The following NAV1 variants were observed in gnomAD, a reference collection of about 807,000 sequenced individuals.
NAV1 encodes neuron navigator 1, also known as pore membrane and/or filament interacting like protein 3.
In NAV1, 18 loss-of-function variants were observed where a neutral mutation model predicts 175.2. The ratio of observed to expected loss-of-function variants is 0.10; its 90% confidence interval spans 0.07 to 0.15. NAV1 has a LOEUF of 0.15. NAV1 is among the 10% of genes least tolerant of loss of function. NAV1 has a pLI of 1.00. For synonymous variants in NAV1, 897 were observed against 978.7 expected (o/e 0.92, Z 1.56); for missense variants, 1,731 against 2,436.6 (o/e 0.71, Z 6.10).
chr1:201,816,960 C>T, intron 28 of NAV1, 128 bp from the exon 33 acceptor site: 1 of 760,256 alleles, frequency 1.3e-6, no homozygotes. Flanking sequence ...AGGCATGAGC[C>T]ACTGCGCCTG....
intron 1 of NAV1, among the ~76,000 whole-genome samples, chr1:201,652,795 G>T (rs1428061870): frequency 6.6e-6 from 1 of 152,200 alleles, no homozygotes; most frequent in African/African-American, 2.4e-5. Flanking sequence ...CAGCGCAATA[G>T]AATACAGATG....
chr1:201,556,424 GA>G (rs71564152), intron 1 of NAV1, among the ~76,000 whole-genome samples: 27,620 of 134,226 alleles, frequency 0.21, 2,993 homozygotes, highest in Non-Finnish European at 0.27. Context: ...TCTCAAAAAA[GA>G]AAAAAAAAAA....
chr1:201,768,152 C>T (rs1464124574), intron 3 of NAV1, among the ~76,000 whole-genome samples: 1 of 151,830 alleles, frequency 6.6e-6, no homozygotes, highest in African/African-American at 2.4e-5. Context: ...TGGTGAAACC[C>T]CATCTCTACT....
chr1:201,594,333 C>T (rs1667292109), intron 2 of NAV1, among the ~76,000 whole-genome samples: 1 of 152,086 alleles, frequency 6.6e-6, no homozygotes. Context: ...CAGCATGACC[C>T]AGGAGAAAGG....
intron 3 of NAV1, among the ~76,000 whole-genome samples, chr1:201,756,530 A>C (rs1176713693): frequency 6.6e-6 from 1 of 152,208 alleles, no homozygotes; most frequent in Admixed American, 6.5e-5. Context: ...GGCCAAATAG[A>C]CTGATGGTGT....
chr1:201,678,113 G>A (rs1036164857), intron 1 of NAV1, among the ~76,000 whole-genome samples: 2 of 152,168 alleles, frequency 1.3e-5, no homozygotes, highest in African/African-American at 4.8e-5. Context: ...AATGTATCCT[G>A]CCAAATGTGA....
chr1:201,723,493 C>T (rs1237872475), intron 3 of NAV1: 2 of 152,150 alleles, frequency 1.3e-5, no homozygotes, highest in Non-Finnish European at 2.9e-5. Flanking sequence ...AGTGTCATAT[C>T]TAAGAAATCA....
At chr1:201,662,749 C>G (rs1669661946) in intron 1 of NAV1, among the ~76,000 whole-genome samples, 1 of 152,210 alleles carries the variant, frequency 6.6e-6, no homozygotes, top group African/African-American at 2.4e-5. Context: ...CCTTCCTCAC[C>G]CTAACCACCA....
At chr1:201,648,277 G>A in exon 1 of NAV1, 1 of 1,068,860 alleles carries the variant, frequency 9.4e-7, no homozygotes, top group Non-Finnish European at 1.1e-6. Flanking sequence ...GCAGGCCGCG[G>A]GCTGGGATCC....
At chr1:201,612,400 G>A (rs1209547714) in intron 2 of NAV1, among the ~76,000 whole-genome samples, 1 of 152,244 alleles carries the variant, frequency 6.6e-6, no homozygotes, top group Non-Finnish European at 1.5e-5. Flanking sequence ...GATGCAGTGA[G>A]CAGTGATAAC....
At chr1:201,619,391 C>T (rs1451224057), upstream of NAV1, among the ~76,000 whole-genome samples, 1 of 151,980 alleles carries the variant, frequency 6.6e-6, no homozygotes, top group East Asian at 1.9e-4. Context: ...GCAACACAAC[C>T]TGAGTTGGGG....
chr1:201,586,861 G>A (rs1055357674), intron 1 of NAV1, among the ~76,000 whole-genome samples: 1 of 152,176 alleles, frequency 6.6e-6, no homozygotes, highest in African/African-American at 2.4e-5. Context: ...TGGAGGGTGT[G>A]AGATATACAT....
At chr1:201,600,764 G>A (rs1462028571) in intron 2 of NAV1, among the ~76,000 whole-genome samples, 3 of 152,172 alleles carry the variant, frequency 2.0e-5, no homozygotes, top group Admixed American at 1.3e-4. Flanking sequence ...CCTAGTAAAA[G>A]AGCAAAGGAC....
chr1:201,587,552 G>A (rs1410983578), intron 1 of NAV1, among the ~76,000 whole-genome samples: 4 of 151,940 alleles, frequency 2.6e-5, no homozygotes, highest in African/African-American at 9.7e-5. Context: ...CAGGCATGGT[G>A]GTGTGCCTGT....
intron 2 of NAV1, among the ~76,000 whole-genome samples, chr1:201,597,833 A>G (rs1030334781): frequency 6.6e-6 from 1 of 152,198 alleles, no homozygotes; most frequent in Non-Finnish European, 1.5e-5. Flanking sequence ...CAGTGTGACG[A>G]GGTGAGGCAG....
intron 1 of NAV1, among the ~76,000 whole-genome samples, chr1:201,665,857 A>G (rs141345616): frequency 6.6e-6 from 1 of 151,538 alleles, no homozygotes; most frequent in African/African-American, 2.4e-5. Context: ...TATCTGTGCT[A>G]GTGTTAAAAA....
chr1:201,714,216 A>G (rs1672038159), intron 2 of NAV1, among the ~76,000 whole-genome samples: 1 of 152,172 alleles, frequency 6.6e-6, no homozygotes, highest in Admixed American at 6.5e-5. Context: ...CGGCCAACTC[A>G]CTACCTTTCA....
chr1:201,717,798 C>G (rs1672199786), intron 2 of NAV1, among the ~76,000 whole-genome samples: 1 of 152,242 alleles, frequency 6.6e-6, no homozygotes, highest in Non-Finnish European at 1.5e-5. Context: ...TCTCTGCACT[C>G]TACTTCAGCT....
At chr1:201,736,345 A>C (rs1673111872) in intron 3 of NAV1, among the ~76,000 whole-genome samples, 1 of 152,154 alleles carries the variant, frequency 6.6e-6, no homozygotes, top group South Asian at 2.1e-4. Context: ...ACCCACAAGC[A>C]AGCAACACTG....
Sources: gnomAD v4.1 joint callset for allele counts (sites outside exome capture counted in the v4.1 genomes callset) on GRCh38, gnomAD v4.1.1 for gene constraint, MANE v1.5 for transcripts, NCBI Gene and HGNC (gene_info 2026-07-23, HGNC 2026-07-21) for gene names.